The following PNPLA1 variants were observed in gnomAD, a reference collection of about 807,000 sequenced individuals.
The protein encoded by PNPLA1 is omega-hydroxyceramide transacylase.
A neutral mutation model predicts 51.7 loss-of-function variants in PNPLA1; 36 were observed. The ratio of observed to expected loss-of-function variants is 0.70; its 90% CI spans 0.53 to 0.92. The LOEUF is 0.92. Among genes scored for constraint, PNPLA1 ranks in the 40% least tolerant of loss-of-function variants. The pLI, the probability that PNPLA1 is intolerant of heterozygous loss-of-function variation, is 0.00. For synonymous variants in PNPLA1, 293 were observed against 280.1 expected, an observed-to-expected ratio of 1.05 and a Z score of -0.46; for missense variants, 658 against 682.5, an observed-to-expected ratio of 0.96 and a Z score of 0.40.
rs1012947009 is a variant in PNPLA1, at chr6:36,294,464, G to A, written c.714+65G>A. On this transcript the variant is annotated intron_variant, in intron 4 of 8. Coordinates refer to ENST00000636260, the MANE Select transcript of PNPLA1 (RefSeq NM_001374623.1). The surrounding 1 kb of genome is among the most constrained non-coding windows in gnomAD (Gnocchi z 4.2). ...CAGGGACTAGGGGTGGGGTTAGAGAGCCACTGGGGCCCACTCAAGTTCCAT... is the reference window on the plus strand; with the variant it reads ...CAGGGACTAGGGGTGGGGTTAGAGAACCACTGGGGCCCACTCAAGTTCCAT... 6.8e-6 allele frequency: 10 copies of A among 1,460,658 alleles called. No individual in the cohort carries two copies. The African/African-American group carries it at 1.4e-4, about 20-fold the overall frequency. 90.5% of individuals were successfully genotyped at this position (1,460,658 alleles called of 1,614,324 possible).
chr6:36,281,676 C>G (rs1459105090), intron 1 of PNPLA1, among the ~76,000 whole-genome samples: 1 of 152,098 alleles, frequency 6.6e-6, no homozygotes, highest in Non-Finnish European at 1.5e-5. Flanking sequence ...AACATGACAG[C>G]TTTCTTGTTA....
intron 8 of PNPLA1, 127 bp from the exon 9 acceptor site, chr6:36,311,636 T>C (rs761446512): frequency 1.3e-5 from 2 of 152,634 alleles, no homozygotes; most frequent in East Asian, 1.9e-4. Flanking sequence ...TCCAATTTCC[T>C]AGAGAGGGCA....
chr6:36,256,853 A>T (rs1160467075), intron 1 of PNPLA1, among the ~76,000 whole-genome samples: 1 of 152,238 alleles, frequency 6.6e-6, no homozygotes, highest in East Asian at 1.9e-4. Flanking sequence ...AATGAATGGG[A>T]GTCCCACAAA....
intron 1 of PNPLA1, among the ~76,000 whole-genome samples, chr6:36,276,468 A>G (rs1226358733): frequency 6.6e-6 from 1 of 152,184 alleles, no homozygotes; most frequent in East Asian, 1.9e-4. Context: ...GGTTTTTACT[A>G]GAGATGTGGT....
chr6:36,307,816 G>A (rs1771289756), intron 8 of PNPLA1, 104 bp downstream of exon 8: 2 of 1,410,482 alleles, frequency 1.4e-6, no homozygotes, highest in Non-Finnish European at 1.9e-6. Flanking sequence ...GGAGTAGGGG[G>A]TGCAGTGGGA....
At chr6:36,249,634 C>A (rs549079075) in intron 1 of PNPLA1, among the ~76,000 whole-genome samples, 1 of 152,096 alleles carries the variant, frequency 6.6e-6, no homozygotes, top group Non-Finnish European at 1.5e-5. Context: ...TTCAGCACCA[C>A]GTAAGTGAAG....
chr6:36,298,428 TA>T (rs34041841), intron 5 of PNPLA1, among the ~76,000 whole-genome samples: 51,930 of 152,086 alleles, frequency 0.34, 10,182 homozygotes, highest in Admixed American at 0.43. Context: ...TTAATTGTGG[TA>T]AAAAAACACG....
upstream of PNPLA1, among the ~76,000 whole-genome samples, chr6:36,268,918 C>T (rs1239488560): frequency 2.0e-5 from 3 of 152,084 alleles, no homozygotes; most frequent in African/African-American, 4.8e-5. Context: ...GACACACCCG[C>T]CCCCACCCCA....
chr6:36,274,514 T>C (rs1326363051), intron 1 of PNPLA1, among the ~76,000 whole-genome samples: 1 of 152,204 alleles, frequency 6.6e-6, no homozygotes, highest in Non-Finnish European at 1.5e-5. Context: ...AGTCATTTTA[T>C]TGATGGATCT....
intron 8 of PNPLA1, among the ~76,000 whole-genome samples, chr6:36,308,850 C>A (rs900031931): frequency 9.9e-5 from 15 of 152,094 alleles, no homozygotes; most frequent in African/African-American, 2.7e-4. Flanking sequence ...TCTGAATTGG[C>A]CAGGCATGTT....
rs556363231 is a variant in PNPLA1, at chr6:36,313,050, C to T, written c.*1164C>T. Among the ~76,000 whole-genome samples the T allele has an allele frequency of 5.3e-5, 8 of 152,142 alleles. No individual in the cohort carries two copies. Among genetic ancestry groups the T allele is most frequent in the Non-Finnish European group, 8.8e-5 (6 of 68,036 alleles). On this transcript the variant is annotated 3_prime_UTR_variant, in exon 9 of 9. Transcript: ENST00000636260. The stretch of plus-strand genomic sequence containing the variant: ...CTTGGCCTGAGCTGGTCACTGGAAT[C>T]GCTGGCTGAATTTGGTCAGGCAGCC...
intron 8 of PNPLA1, chr6:36,307,984 G>A (rs2127356514): frequency 3.3e-6 from 1 of 298,890 alleles, no homozygotes; most frequent in South Asian, 5.5e-5. Flanking sequence ...AAATGTGATC[G>A]ATGATGTAAA....
intron 1 of PNPLA1, among the ~76,000 whole-genome samples, chr6:36,264,043 C>T (rs925979892): frequency 8.5e-5 from 13 of 152,244 alleles, no homozygotes; most frequent in Admixed American, 7.8e-4. Flanking sequence ...GCCCCATGAC[C>T]GAACCTGGAG....
chr6:36,251,528 C>G (rs540869622), intron 1 of PNPLA1, among the ~76,000 whole-genome samples: 13 of 152,318 alleles, frequency 8.5e-5, no homozygotes, highest in African/African-American at 2.6e-4. Flanking sequence ...GGAAGCATTT[C>G]AGAGCTGGCA....
At chr6:36,290,925 A>G (rs1770656857) in intron 1 of PNPLA1, among the ~76,000 whole-genome samples, 3 of 152,194 alleles carry the variant, frequency 2.0e-5, no homozygotes, top group African/African-American at 7.2e-5. Flanking sequence ...GGAATCTCAT[A>G]CAGGACCCCA....
intron 1 of PNPLA1, among the ~76,000 whole-genome samples, chr6:36,286,851 A>ATTTT (rs745386551): frequency 1.4e-5 from 2 of 144,100 alleles, no homozygotes; most frequent in African/African-American, 5.1e-5. Context: ...GCTAATTTAA[A>ATTTT]TTTTTTTTTT....
rs1329727021 is a variant in PNPLA1, at chr6:36,312,679, C to T, written c.*793C>T. Among the ~76,000 whole-genome samples, 2 of 152,186 alleles carry T rather than the reference C, an allele frequency of 1.3e-5. No individual in the cohort carries two copies. The highest frequency in any genetic ancestry group is 1.9e-4 in the East Asian group (1 of 5,200). On this transcript the variant is annotated 3_prime_UTR_variant, in exon 9 of 9. Transcript: ENST00000636260. ...CCTGACTCTGGGCCCTTTTGAGGAC[C>T]AGGGGCAACACCTATTCCCAGCCCC...
At chr6:36,265,127 G>T (rs889180197), upstream of PNPLA1, among the ~76,000 whole-genome samples, 1 of 152,142 alleles carries the variant, frequency 6.6e-6, no homozygotes, top group Non-Finnish European at 1.5e-5. Context: ...GGTCACCTGA[G>T]GTCAGGAGTT....
In PNPLA1 at chr6:36,304,912, G is replaced by T. The variant is rs558400006; in HGVS notation, c.1385-1380G>T. On this transcript the variant is annotated intron_variant, in intron 6 of 8. Transcript: ENST00000636260. ...CAGACATTTTGGTTGTCACCTAGTG[G>T]TTACAGGCTGGGGACACTGAAAAAT... Among the ~76,000 whole-genome samples the T allele has an allele frequency of 1.8e-4, 28 of 152,256 alleles. 1 individual carries two copies. In the South Asian group the frequency reaches 3.5e-3, roughly 19 times the overall value.
Sources: gnomAD v4.1 joint callset for allele counts (sites outside exome capture counted in the v4.1 genomes callset) on GRCh38, gnomAD v4.1.1 for gene constraint, Gnocchi (gnomAD v3.1) non-coding constraint, MANE v1.5 for transcripts, NCBI Gene and HGNC (gene_info 2026-07-23, HGNC 2026-07-21) for gene names.